ZBTB20: variants seen among roughly 807,000 people sequenced by gnomAD.
ZBTB20 encodes the protein zinc finger and BTB domain-containing protein 20.
Under a neutral mutation model 56.9 loss-of-function variants are expected in ZBTB20, and 9 were observed. The ratio of observed to expected loss-of-function variants is 0.16; its 90% confidence interval spans 0.10 to 0.28. The LOEUF (loss-of-function observed/expected upper bound fraction) is 0.28, where lower values mean the gene tolerates loss of function less well. Ranked by LOEUF, ZBTB20 falls within the 10% of genes least tolerant of loss-of-function variation. The pLI, the probability that ZBTB20 is intolerant of heterozygous loss-of-function variation, is 1.00. For missense variants in ZBTB20, 655 were observed against 1,003.0 expected (o/e 0.65, Z 4.69); for synonymous variants, 417 against 420.7 (o/e 0.99, Z 0.11).
At chr3:115,132,786 C>T (rs4682170) in intron 1 of ZBTB20, among the ~76,000 whole-genome samples, 2 of 150,314 alleles carry the variant, frequency 1.3e-5, no homozygotes. Flanking sequence ...CAAAAAAAAA[C>T]CCCCAAAATT....
At chr3:114,992,360 T>TA (rs922593137) in intron 2 of ZBTB20, among the ~76,000 whole-genome samples, 1 of 151,860 alleles carries the variant, frequency 6.6e-6, no homozygotes, top group South Asian at 2.1e-4. Flanking sequence ...ATAAATAACC[T>TA]AAAAAAACTA....
At chr3:115,108,931 A>G (rs2083798516) in intron 1 of ZBTB20, among the ~76,000 whole-genome samples, 1 of 152,178 alleles carries the variant, frequency 6.6e-6, no homozygotes, top group African/African-American at 2.4e-5. Context: ...TTATTATGCT[A>G]TTATAGCTGT....
intron 7 of ZBTB20, among the ~76,000 whole-genome samples, chr3:114,407,140 C>T (rs998836941): frequency 1.3e-5 from 2 of 152,152 alleles, no homozygotes; most frequent in East Asian, 1.9e-4. Context: ...TCAGACCCAT[C>T]GCCTCTAAAT....
intron 5 of ZBTB20, among the ~76,000 whole-genome samples, chr3:114,754,086 G>A (rs1390549194): frequency 1.3e-5 from 2 of 152,050 alleles, no homozygotes; most frequent in Non-Finnish European, 2.9e-5. Context: ...CTCAATTTCT[G>A]GCGCTGCTGT....
intron 4 of ZBTB20, among the ~76,000 whole-genome samples, chr3:114,899,482 T>C (rs1380477152): frequency 6.6e-6 from 1 of 152,052 alleles, no homozygotes; most frequent in African/African-American, 2.4e-5. Flanking sequence ...AGATATTCTT[T>C]CGAGAAGTTG....
At chr3:114,423,219 G>A (rs2089345811) in intron 7 of ZBTB20, among the ~76,000 whole-genome samples, 1 of 152,044 alleles carries the variant, frequency 6.6e-6, no homozygotes, top group Admixed American at 6.6e-5. Context: ...TTGTACAATG[G>A]TACCTAGTGA....
intron 6 of ZBTB20, among the ~76,000 whole-genome samples, chr3:114,663,650 C>G (rs1319369500): frequency 3.0e-3 from 453 of 151,394 alleles, no homozygotes; most frequent in Admixed American, 5.4e-3. Context: ...ACCCATCTCA[C>G]GTGCAGAGAC....
In ZBTB20 at chr3:114,931,715, A is replaced by T. The variant is rs201067005; in HGVS notation, c.-455-31373T>A. ...TGTTGTTTTTGTGTGTTTTTTTTTT[A>T]GTTTGGTTTTTCTCAACATGCCTTT... On this transcript the variant is annotated intron_variant, in intron 3 of 11. Transcript: ENST00000675478. Among the ~76,000 whole-genome samples, 10 of 150,214 alleles carry T rather than the reference A, an allele frequency of 6.7e-5. No homozygotes were observed. In the East Asian group the frequency reaches 2.0e-3, roughly 29 times the overall value.
chr3:114,414,168 A>G (rs535391184), intron 7 of ZBTB20, among the ~76,000 whole-genome samples: 5 of 152,282 alleles, frequency 3.3e-5, no homozygotes, highest in Non-Finnish European at 7.4e-5. Context: ...ACCTCAGACT[A>G]TAATGTATAT....
chr3:114,577,893 T>C (rs1039446962), intron 6 of ZBTB20, among the ~76,000 whole-genome samples: 1 of 152,186 alleles, frequency 6.6e-6, no homozygotes, highest in Non-Finnish European at 1.5e-5. Context: ...GTTAGGGACA[T>C]GTGAACAAAA....
In ZBTB20 at chr3:114,882,800, A is replaced by T. The variant is rs147373367; in HGVS notation, c.-417+17504T>A. 1.5e-3 allele frequency among the ~76,000 whole-genome samples: 225 copies of T among 152,252 alleles called. 3 individuals carry two copies. The East Asian group carries it at 0.034, about 23-fold the overall frequency. On this transcript the variant is annotated intron_variant, in intron 4 of 11. Transcript: ENST00000675478. ...TTGAAACTTTTTATCTCTGGTGAAT[A>T]GTGCTATCAGTCGGTAAAGACATAC...
intron 6 of ZBTB20, among the ~76,000 whole-genome samples, chr3:114,518,186 T>C (rs7644183): frequency 0.03 from 4,588 of 152,136 alleles, 202 homozygotes; most frequent in African/African-American, 0.1. Context: ...GTCATGAAGT[T>C]TTCGGTTTCT....
intron 7 of ZBTB20, among the ~76,000 whole-genome samples, chr3:114,461,305 C>G (rs564415361): frequency 1.6e-4 from 24 of 151,290 alleles, no homozygotes; most frequent in Non-Finnish European, 2.1e-4. Context: ...CTCCCCCCCC[C>G]CTCTTTTTTT....
chr3:114,814,864 C>A (rs996783928), intron 4 of ZBTB20, among the ~76,000 whole-genome samples: 2 of 152,158 alleles, frequency 1.3e-5, no homozygotes, highest in African/African-American at 4.8e-5. Flanking sequence ...TCTGCTTGAG[C>A]AAAGGGTTTC....
chr3:114,351,159 C>T lies in ZBTB20; in HGVS notation c.919G>A (p.Glu307Lys). 6.2e-7 allele frequency: 1 copy of T among 1,603,220 alleles called. No homozygotes were observed. The highest frequency in any genetic ancestry group is 8.5e-7 in the Non-Finnish European group (1 of 1,179,716). ...QMERYLSTTP[E>K]TTHCRKQPRP... ...GGCTGCTTGCGGCAGTGCGTGGTCTCGGGGGTGGTGGACAGGTAGCGCTCC... is the reference window on the plus strand; with the variant it reads ...GGCTGCTTGCGGCAGTGCGTGGTCTTGGGGGTGGTGGACAGGTAGCGCTCC... Residue 307 changes from glutamate (E) to lysine (K), a missense_variant, in exon 11 of 12, where the codon GAG becomes AAG. Transcript: ENST00000675478.
intron 6 of ZBTB20, among the ~76,000 whole-genome samples, chr3:114,545,210 G>A (rs1335820931): frequency 3.3e-5 from 5 of 152,170 alleles, no homozygotes; most frequent in Admixed American, 6.5e-5. Flanking sequence ...TACCAGAGAA[G>A]AATGATTTAT....
At chr3:114,591,127 G>T (rs545989791) in intron 6 of ZBTB20, among the ~76,000 whole-genome samples, 1 of 152,240 alleles carries the variant, frequency 6.6e-6, no homozygotes, top group East Asian at 1.9e-4. Context: ...TCTTCCTTGA[G>T]AATTTTTTTC....
intron 6 of ZBTB20, among the ~76,000 whole-genome samples, chr3:114,622,972 T>G (rs1405761861): frequency 6.6e-6 from 1 of 152,184 alleles, no homozygotes; most frequent in Non-Finnish European, 1.5e-5. Context: ...TCCCCCTCTT[T>G]CCAAAAAGCA....
At chr3:114,577,353 T>A (rs1334186310) in intron 6 of ZBTB20, among the ~76,000 whole-genome samples, 2 of 152,048 alleles carry the variant, frequency 1.3e-5, no homozygotes, top group African/African-American at 4.8e-5. Flanking sequence ...AAACTCAATA[T>A]CTGCGAAGTG....
Sources: gnomAD v4.1 joint callset for allele counts (sites outside exome capture counted in the v4.1 genomes callset) on GRCh38, gnomAD v4.1.1 for gene constraint, MANE v1.5 for transcripts, NCBI Gene and HGNC (gene_info 2026-07-23, HGNC 2026-07-21) for gene names.